Variants in GMDS observed in about 807,000 individuals in gnomAD.
GMDS encodes the protein GDP-mannose 4,6 dehydratase.
A neutral mutation model predicts 49.9 loss-of-function variants in GMDS; 20 were observed. That is an observed-to-expected ratio of 0.40 (90% CI 0.28 to 0.58). The LOEUF (loss-of-function observed/expected upper bound fraction) is 0.58. Among genes scored for constraint, GMDS ranks in the 20% least tolerant of loss-of-function variants. GMDS has a pLI of 0.42. For synonymous variants in GMDS, 177 were observed against 178.6 expected (o/e 0.99, Z 0.07); for missense variants, 362 against 481.4 (o/e 0.75, Z 2.32).
intron 7 of GMDS, among the ~76,000 whole-genome samples, chr6:1,837,298 G>A (rs932417083): frequency 2.6e-5 from 4 of 152,168 alleles, no homozygotes; most frequent in Admixed American, 1.3e-4. Context: ...TGGAGGGAAA[G>A]TTCTTTGCCA....
intron 6 of GMDS, among the ~76,000 whole-genome samples, chr6:1,949,358 GTATA>G (rs3046543): frequency 0.25 from 37,242 of 151,874 alleles, 5,931 homozygotes; most frequent in African/African-American, 0.46. Flanking sequence ...AATTCTCTGT[GTATA>G]TATACTGCGT....
intron 9 of GMDS, among the ~76,000 whole-genome samples, chr6:1,676,645 G>A (rs1289355012): frequency 6.6e-6 from 1 of 152,120 alleles, no homozygotes; most frequent in Non-Finnish European, 1.5e-5. Context: ...ACAACCATCT[G>A]ATCTTTGACA....
intron 1 of GMDS, among the ~76,000 whole-genome samples, chr6:2,228,195 C>A (rs562582137): frequency 1.2e-3 from 186 of 152,294 alleles, no homozygotes; most frequent in Non-Finnish European, 2.1e-3. Context: ...CTGTGTCACT[C>A]AGGATTAAAC....
At chr6:1,660,530 G>C (rs142845588) in intron 9 of GMDS, among the ~76,000 whole-genome samples, 1 of 151,956 alleles carries the variant, frequency 6.6e-6, no homozygotes, top group African/African-American at 2.4e-5. Flanking sequence ...ACGGATGTAG[G>C]GGGTCACATG....
chr6:2,045,260 G>A (rs576498179), intron 4 of GMDS, among the ~76,000 whole-genome samples: 2 of 151,816 alleles, frequency 1.3e-5, no homozygotes, highest in South Asian at 2.1e-4. Flanking sequence ...ATTTTTAGGC[G>A]TGTCTTTCTT....
At chr6:2,161,097 T>C (rs1363063819) in intron 1 of GMDS, among the ~76,000 whole-genome samples, 1 of 151,262 alleles carries the variant, frequency 6.6e-6, no homozygotes, top group Admixed American at 6.6e-5. Context: ...CTGCAACCTC[T>C]GCCTCCCAGG....
intron 7 of GMDS, among the ~76,000 whole-genome samples, chr6:1,927,467 G>T (rs1762081294): frequency 6.6e-6 from 1 of 152,250 alleles, no homozygotes; most frequent in Non-Finnish European, 1.5e-5. Context: ...CTTGTGAAAG[G>T]CTGTAATGAC....
intron 9 of GMDS, among the ~76,000 whole-genome samples, chr6:1,725,990 T>C (rs1190079601): frequency 6.6e-6 from 1 of 152,240 alleles, no homozygotes; most frequent in African/African-American, 2.4e-5. Context: ...TGGTATAGTG[T>C]GCAAGTATGC....
At chr6:1,819,834 T>C (rs1376024102) in intron 7 of GMDS, among the ~76,000 whole-genome samples, 3 of 149,924 alleles carry the variant, frequency 2.0e-5, no homozygotes, top group South Asian at 2.1e-4. Context: ...AGATAGAATA[T>C]GACAAGTAGA....
chr6:2,078,064 AG>A (rs1772451683), intron 4 of GMDS, among the ~76,000 whole-genome samples: 1 of 151,896 alleles, frequency 6.6e-6, no homozygotes, highest in Non-Finnish European at 1.5e-5. Context: ...CCAGTCTGTT[AG>A]TGTGTAGCTG....
chr6:1,698,867 TTTC>T (rs1158846817), intron 9 of GMDS, among the ~76,000 whole-genome samples: 6 of 150,812 alleles, frequency 4.0e-5, no homozygotes, highest in African/African-American at 1.5e-4. Flanking sequence ...TTGTGAATAC[TTTC>T]TTGTCACCTG....
intron 4 of GMDS, among the ~76,000 whole-genome samples, chr6:2,059,959 A>C (rs1207985204): frequency 1.3e-5 from 2 of 152,124 alleles, no homozygotes; most frequent in Non-Finnish European, 2.9e-5. Context: ...CATTTATGAA[A>C]TAAGCTTTAT....
chr6:1,987,621 A>G (rs1279755797), intron 4 of GMDS, among the ~76,000 whole-genome samples: 1 of 152,220 alleles, frequency 6.6e-6, no homozygotes, highest in Non-Finnish European at 1.5e-5. Flanking sequence ...GGTGAAATAT[A>G]TAGTAAGTTC....
At chr6:2,077,087 G>A (rs79979976) in intron 4 of GMDS, among the ~76,000 whole-genome samples, 4,458 of 151,800 alleles carry the variant, frequency 0.029, 215 homozygotes, top group African/African-American at 0.1. Context: ...TATCTTTGGT[G>A]GCTATTTCAT....
chr6:2,018,287 A>C (rs1768032443), intron 4 of GMDS, among the ~76,000 whole-genome samples: 1 of 152,222 alleles, frequency 6.6e-6, no homozygotes, highest in South Asian at 2.1e-4. Flanking sequence ...TCACTTAGTG[A>C]AACAATAAGG....
intron 7 of GMDS, among the ~76,000 whole-genome samples, chr6:1,860,481 G>A (rs926746154): frequency 2.6e-5 from 4 of 152,132 alleles, no homozygotes; most frequent in Admixed American, 6.5e-5. Flanking sequence ...GGAGGAAGCC[G>A]ACTCTGAAGA....
chr6:1,762,450 G>T (rs1411004819), intron 7 of GMDS, among the ~76,000 whole-genome samples: 1 of 152,242 alleles, frequency 6.6e-6, no homozygotes, highest in Admixed American at 6.5e-5. Context: ...GGCCATGCTC[G>T]CACGGCGAGC....
chr6:1,718,929 C>A (rs1766269470), intron 9 of GMDS, among the ~76,000 whole-genome samples: 1 of 151,956 alleles, frequency 6.6e-6, no homozygotes, highest in African/African-American at 2.4e-5. Context: ...TCTTTTAGTA[C>A]CTACACACAG....
chr6:1,689,085 AC>A (rs1338038647), intron 9 of GMDS, among the ~76,000 whole-genome samples: 13 of 152,348 alleles, frequency 8.5e-5, no homozygotes, highest in African/African-American at 3.1e-4. Flanking sequence ...GTGACCTTTT[AC>A]ATGGACAGAC....
Sources: gnomAD v4.1 joint callset for allele counts (sites outside exome capture counted in the v4.1 genomes callset) on GRCh38, gnomAD v4.1.1 for gene constraint, MANE v1.5 for transcripts, NCBI Gene and HGNC (gene_info 2026-07-23, HGNC 2026-07-21) for gene names.